ZNF529: variants seen among roughly 807,000 people sequenced by gnomAD.
ZNF529 encodes the protein zinc finger protein 529.
ZNF529 carries 11 observed loss-of-function variants against 10.1 expected under a neutral mutation model. That is an observed-to-expected ratio of 1.09 (90% confidence interval 0.69 to 1.81). The LOEUF is 1.81. Among genes scored for constraint, ZNF529 ranks in the 40% most tolerant of loss-of-function variants. The pLI is 0.00. For synonymous variants in ZNF529, 204 were observed against 215.7 expected (o/e 0.95, Z 0.47); for missense variants, 624 against 666.8 (o/e 0.94, Z 0.71).
chr19:36,590,206 A>C (rs1238750679), intron 1 of ZNF529, among the ~76,000 whole-genome samples: 2 of 151,958 alleles, frequency 1.3e-5, no homozygotes, highest in Non-Finnish European at 2.9e-5. Flanking sequence ...TCATATCTAC[A>C]AAATACAAAA....
chr19:36,559,401 C>T (rs899354492), intron 2 of ZNF529, among the ~76,000 whole-genome samples: 3 of 152,188 alleles, frequency 2.0e-5, no homozygotes, highest in South Asian at 2.1e-4. Flanking sequence ...CTCCACCTCC[C>T]GGGTTCAAGC....
At chr19:36,573,379 A>T, upstream of ZNF529, 1 of 462,370 alleles carries the variant, frequency 2.2e-6, no homozygotes, top group Non-Finnish European at 4.5e-6. Context: ...AGAGCCCTGA[A>T]GCTCAAGCGG....
intron 1 of ZNF529, among the ~76,000 whole-genome samples, chr19:36,598,687 C>T (rs903323708): frequency 2.0e-5 from 3 of 152,094 alleles, no homozygotes; most frequent in African/African-American, 4.8e-5. Flanking sequence ...AAAACAACAG[C>T]ACCTTGTACC....
intron 4 of ZNF529, 79 bp from the exon 5 acceptor site, chr19:36,548,401 T>C (rs1373128760): frequency 2.2e-6 from 3 of 1,337,044 alleles, no homozygotes; most frequent in Non-Finnish European, 3.0e-6. Flanking sequence ...TTAAGAATAA[T>C]TCACCATATA....
At chr19:36,604,034 G>A (rs906923784) in intron 1 of ZNF529, among the ~76,000 whole-genome samples, 2 of 152,102 alleles carry the variant, frequency 1.3e-5, no homozygotes, top group Non-Finnish European at 2.9e-5. Flanking sequence ...ACAAAAATGA[G>A]CCGGGCATGG....
At chr19:36,553,019 G>A (rs1017522770) in intron 4 of ZNF529, among the ~76,000 whole-genome samples, 4 of 152,186 alleles carry the variant, frequency 2.6e-5, no homozygotes, top group Admixed American at 2.0e-4. Flanking sequence ...CAATTAAGTG[G>A]CTGTGTAGCC....
intron 2 of ZNF529, among the ~76,000 whole-genome samples, chr19:36,585,952 A>G (rs770849242): frequency 3.3e-4 from 50 of 152,332 alleles, no homozygotes; most frequent in Non-Finnish European, 4.9e-4. Context: ...CTGTTCCTTG[A>G]TTTACATGCC....
chr19:36,554,317 A>G (rs866411877), intron 4 of ZNF529, among the ~76,000 whole-genome samples: 44 of 152,162 alleles, frequency 2.9e-4, no homozygotes, highest in East Asian at 9.6e-4. Flanking sequence ...AGTGGCTCAC[A>G]CCTGTAATCC....
intron 2 of ZNF529, among the ~76,000 whole-genome samples, chr19:36,588,097 G>A (rs542016724): frequency 4.6e-5 from 7 of 152,212 alleles, no homozygotes; most frequent in South Asian, 2.1e-4. Context: ...GCAGTGAGCC[G>A]AGATCATGCC....
intron 2 of ZNF529, among the ~76,000 whole-genome samples, chr19:36,567,037 G>A (rs191308829): frequency 6.6e-6 from 1 of 151,746 alleles, no homozygotes; most frequent in Non-Finnish European, 1.5e-5. Flanking sequence ...AAATTCATAT[G>A]ACATTGCAAC....
At chr19:36,561,446 G>A (rs535815807) in intron 2 of ZNF529, among the ~76,000 whole-genome samples, 24 of 150,650 alleles carry the variant, frequency 1.6e-4, no homozygotes, top group Non-Finnish European at 2.7e-4. Context: ...GCAGTGGTGC[G>A]ATCTTGGCTC....
Position 36,546,589 on chromosome 19 carries a change from A to T in ZNF529, c.*277T>A. The T allele has an allele frequency of 3.1e-6, 1 of 323,678 alleles. No homozygotes were observed. The allele number at this position is 323,678 out of a possible 1,614,324, so 20.1% of individuals were successfully genotyped here. A position where few individuals can be genotyped will look rare whatever the true frequency, so the allele number is the denominator to read the frequency against. On this transcript the variant is annotated 3_prime_UTR_variant, in exon 5 of 5. Transcript: ENST00000591340. ...AATAGTCAAAAGAGCAATAATACAA[A>T]CATCAAAAGCTATTGTAAACAAAAC...
chr19:36,556,008 G>A, intron 3 of ZNF529, 96 bp downstream of exon 3: 1 of 1,285,260 alleles, frequency 7.8e-7, no homozygotes, highest in Non-Finnish European at 1.1e-6. Context: ...AAGCGAAGAA[G>A]TATGGGGTTG....
In ZNF529 at chr19:36,547,369, T is replaced by G; in HGVS notation, c.1189A>C (p.Lys397Gln). 6.2e-7 allele frequency: 1 copy of G among 1,614,000 alleles called. No individual in the cohort carries two copies. Among genetic ancestry groups the G allele is most frequent in the Non-Finnish European group, 8.5e-7 (1 of 1,179,960 alleles). The change falls in exon 5 of 5, where the codon AAA becomes CAA. Residue 397 changes from lysine (K) to glutamine (Q), a missense_variant. Transcript: ENST00000591340. ...IHTGKKPYECKACGKVFRNSS... is the reference protein window; with the variant it reads ...IHTGKKPYECQACGKVFRNSS... Reference sequence around the variant, plus strand: ...TTTCTAAAGACCTTTCCACATGCTTTGCATTCATAGGGTTTCTTACCAGTA... The same window carrying G: ...TTTCTAAAGACCTTTCCACATGCTTGGCATTCATAGGGTTTCTTACCAGTA...
At chr19:36,577,098 A>G (rs751432713), upstream of ZNF529, 4 of 433,880 alleles carry the variant, frequency 9.2e-6, no homozygotes, top group Non-Finnish European at 4.6e-6. Context: ...GACCACAGGC[A>G]CCCACTACTA....
At chr19:36,580,902 G>C (rs1450834046) in intron 2 of ZNF529, 3 of 152,154 alleles carry the variant, frequency 2.0e-5, no homozygotes, top group Non-Finnish European at 4.4e-5. Context: ...AAAATCTAGA[G>C]ATGGTTTAAA....
upstream of ZNF529, among the ~76,000 whole-genome samples, chr19:36,576,504 G>A (rs1235170145): frequency 6.6e-6 from 1 of 151,974 alleles, no homozygotes; most frequent in Non-Finnish European, 1.5e-5. Flanking sequence ...GGATCACGAG[G>A]TCAGGAGTTC....
chr19:36,548,301 GT>G lies in ZNF529; in HGVS notation c.256del (p.Thr86LeufsTer6). ...LSLDLESRNETKHLSVGKDII... is the reference protein window; with the variant it reads ...LSLDLESRNEXKHLSVGKDII... ...ATCTTTTCCTACAGATAAATGCTTA[GT>G]CTCATTCCTGGACTCCAAATCTGAA... On this transcript the variant is annotated frameshift_variant, in exon 5 of 5. Transcript: ENST00000591340. LOFTEE classifies it low-confidence loss of function (END_TRUNC). The G allele has an allele frequency of 6.3e-7, 1 of 1,579,434 alleles. No homozygotes were observed. Among genetic ancestry groups the G allele is most frequent in the Non-Finnish European group, 8.6e-7 (1 of 1,161,896 alleles).
At chr19:36,579,199 T>TAA (rs778678870) in intron 2 of ZNF529, among the ~76,000 whole-genome samples, 4 of 139,446 alleles carry the variant, frequency 2.9e-5, no homozygotes, top group African/African-American at 1.0e-4. Flanking sequence ...AGACTCCGTC[T>TAA]AAAAAAAAAA....
Sources: gnomAD v4.1 joint callset for allele counts (sites outside exome capture counted in the v4.1 genomes callset) on GRCh38, gnomAD v4.1.1 for gene constraint, MANE v1.5 for transcripts, NCBI Gene and HGNC (gene_info 2026-07-23, HGNC 2026-07-21) for gene names.